PIWIL2: variants seen among roughly 807,000 people sequenced by gnomAD.
PIWIL2 encodes the protein piwi like RNA-mediated gene silencing 2.
A neutral mutation model predicts 116.5 loss-of-function variants in PIWIL2; 81 were observed. The ratio of observed to expected loss-of-function variants is 0.70; its 90% CI spans 0.58 to 0.84. The LOEUF is 0.84. Ranked by LOEUF, PIWIL2 falls within the 40% of genes least tolerant of loss-of-function variation. The probability of loss-of-function intolerance (pLI) is 0.00; values close to 1 mark genes in which losing one functional copy is unlikely to be tolerated. For missense variants in PIWIL2, 1,272 were observed against 1,212.3 expected (o/e 1.05, Z -0.73); for synonymous variants, 489 against 429.5 (o/e 1.14, Z -1.71).
At chr8:22,280,148 C>A (rs1310101884) in intron 2 of PIWIL2, among the ~76,000 whole-genome samples, 6 of 152,218 alleles carry the variant, frequency 3.9e-5, no homozygotes, top group African/African-American at 1.4e-4. Context: ...AGCTTCCGAT[C>A]ATCCCTCCAT....
At chr8:22,281,355 G>T (rs1461804235) in intron 3 of PIWIL2, 22 bp from the exon 4 acceptor site, 3 of 1,601,520 alleles carry the variant, frequency 1.9e-6, no homozygotes, top group Admixed American at 3.6e-5. Flanking sequence ...AGTCATTGCT[G>T]GGGTTCGGTT....
At chr8:22,315,451 G>C (rs1225716974) in intron 18 of PIWIL2, among the ~76,000 whole-genome samples, 1 of 152,022 alleles carries the variant, frequency 6.6e-6, no homozygotes, top group Non-Finnish European at 1.5e-5. Flanking sequence ...TGAGTAGCTG[G>C]GATTACAGGT....
chr8:22,276,572 C>T (rs1015514060), intron 1 of PIWIL2, among the ~76,000 whole-genome samples: 3 of 152,148 alleles, frequency 2.0e-5, no homozygotes, highest in Admixed American at 1.3e-4. Context: ...CCTTGGCCTT[C>T]CAGAGTGCTG....
intron 8 of PIWIL2, among the ~76,000 whole-genome samples, chr8:22,289,580 G>A (rs570084848): frequency 2.0e-5 from 3 of 152,322 alleles, no homozygotes; most frequent in Middle Eastern, 3.4e-3. Context: ...GAAAAGTAAC[G>A]TAATAAAACC....
intron 20 of PIWIL2, among the ~76,000 whole-genome samples, chr8:22,325,195 A>G (rs750364788): frequency 2.0e-4 from 30 of 152,178 alleles, no homozygotes; most frequent in Non-Finnish European, 8.8e-5. Context: ...TAAAGTCACA[A>G]TAGCATCCTG....
chr8:22,282,107 G>T (rs1830520359), intron 4 of PIWIL2, among the ~76,000 whole-genome samples: 1 of 141,556 alleles, frequency 7.1e-6, no homozygotes, highest in African/African-American at 2.6e-5. Flanking sequence ...AAGGGATGGG[G>T]TCTCACTGTG....
intron 2 of PIWIL2, 35 bp downstream of exon 2, chr8:22,279,619 C>G (rs1830455751): frequency 6.4e-7 from 1 of 1,572,576 alleles, no homozygotes; most frequent in Non-Finnish European, 8.8e-7. Flanking sequence ...GAGTGGCATA[C>G]AGCTTACCTG....
rs1830554175 is a variant in PIWIL2, at chr8:22,283,222, C to T, written c.614C>T (p.Thr205Ile). The T allele has an allele frequency of 6.2e-7, 1 of 1,613,606 alleles. No homozygotes were observed. Among genetic ancestry groups the T allele is most frequent in the Non-Finnish European group, 8.5e-7 (1 of 1,179,714 alleles). The change falls in exon 5 of 23, where the codon ACT becomes ATT. Residue 205 changes from threonine (T) to isoleucine (I), a missense_variant. Transcript: ENST00000356766. ...TCTCCAGATCGCCCTCTGGTCCTGA[C>T]TGTGGAACACAAGGAAAAGTAAGTC... Reference protein sequence around the residue: ...LHSPDRPLVLTVEHKEKELIV... With the variant: ...LHSPDRPLVLIVEHKEKELIV...
chr8:22,344,097 A>G (rs1212951444), intron 20 of PIWIL2, among the ~76,000 whole-genome samples: 1 of 152,228 alleles, frequency 6.6e-6, no homozygotes, highest in Non-Finnish European at 1.5e-5. Flanking sequence ...TCTTAAATAC[A>G]TATTGCTCAG....
Position 22,279,526 on chromosome 8 carries a change from G to A in PIWIL2, c.140G>A (p.Arg47Lys). The A allele has an allele frequency of 6.2e-7, 1 of 1,614,212 alleles. No homozygotes were observed. Among genetic ancestry groups the A allele is most frequent in the Non-Finnish European group, 8.5e-7 (1 of 1,180,036 alleles). Residue 47 changes from arginine to lysine, a missense_variant, in exon 2 of 23, where the codon AGA becomes AAA. Physicochemically the swap from Arg to Lys is conservative, Grantham distance 26 (BLOSUM62 2). Transcript: ENST00000356766. ...PALGRGAPAG[R>K]GHVFGKPEEP... Reference sequence around the variant, plus strand: ...CTGGGCAGGGGAGCACCTGCAGGCAGAGGCCATGTATTTGGAAAGCCAGAG... The same window carrying A: ...CTGGGCAGGGGAGCACCTGCAGGCAAAGGCCATGTATTTGGAAAGCCAGAG...
At chr8:22,342,766 G>A (rs751896649) in intron 20 of PIWIL2, among the ~76,000 whole-genome samples, 9 of 152,094 alleles carry the variant, frequency 5.9e-5, no homozygotes, top group South Asian at 2.1e-4. Flanking sequence ...ATTTTTCATC[G>A]AAAATTCATC....
chr8:22,285,130 CTGT>C (rs1830601290), intron 6 of PIWIL2, among the ~76,000 whole-genome samples: 1 of 152,166 alleles, frequency 6.6e-6, no homozygotes, highest in Admixed American at 6.5e-5. Context: ...GAAATACACG[CTGT>C]TGTTAACTAT....
intron 20 of PIWIL2, among the ~76,000 whole-genome samples, chr8:22,341,647 C>A (rs1200190036): frequency 6.6e-6 from 1 of 150,478 alleles, no homozygotes; most frequent in East Asian, 1.9e-4. Flanking sequence ...AGGGGAACTT[C>A]ATCAATTTGA....
At chr8:22,352,442 A>G (rs1447726573) in intron 20 of PIWIL2, among the ~76,000 whole-genome samples, 1 of 152,244 alleles carries the variant, frequency 6.6e-6, no homozygotes, top group Non-Finnish European at 1.5e-5. Context: ...GTTTTACACC[A>G]TACCAGACTG....
intron 20 of PIWIL2, among the ~76,000 whole-genome samples, chr8:22,338,583 T>C (rs1465338991): frequency 2.0e-5 from 3 of 151,792 alleles, no homozygotes; most frequent in African/African-American, 7.3e-5. Context: ...TCCCAGCTAA[T>C]AGGGAGGCTG....
intron 8 of PIWIL2, 126 bp from the exon 9 acceptor site, chr8:22,289,721 T>C: frequency 1.6e-6 from 1 of 626,462 alleles, no homozygotes; most frequent in Non-Finnish European, 2.8e-6. Context: ...ATATAAAAGC[T>C]GTCTTCTGCA....
chr8:22,350,400 G>A (rs1235744409), intron 20 of PIWIL2, among the ~76,000 whole-genome samples: 2 of 151,794 alleles, frequency 1.3e-5, no homozygotes, highest in East Asian at 2.0e-4. Context: ...TTCGAGACTA[G>A]CCCAGGCAAC....
chr8:22,308,197 G>GT (rs375154486), intron 14 of PIWIL2, 124 bp downstream of exon 14: 129,048 of 512,950 alleles, frequency 0.25, 337 homozygotes, highest in East Asian at 0.29. Context: ...ATTTTTCTAA[G>GT]TTTTTTTTTT....
intron 1 of PIWIL2, among the ~76,000 whole-genome samples, chr8:22,276,483 T>A (rs1216331491): frequency 6.6e-6 from 1 of 151,912 alleles, no homozygotes; most frequent in Non-Finnish European, 1.5e-5. Context: ...GCCCAGCTAA[T>A]TTTTGTATTT....
Sources: gnomAD v4.1 joint callset for allele counts (sites outside exome capture counted in the v4.1 genomes callset) on GRCh38, gnomAD v4.1.1 for gene constraint, MANE v1.5 for transcripts, NCBI Gene and HGNC (gene_info 2026-07-23, HGNC 2026-07-21) for gene names.